The following GREM2 variants were observed in gnomAD, a reference collection of about 807,000 sequenced individuals.
GREM2 encodes the protein gremlin 2, DAN family BMP antagonist.
In GREM2, 11 loss-of-function variants were observed where a neutral mutation model predicts 14.2. The observed-to-expected ratio is 0.78, with a 90% CI of 0.49 to 1.28. GREM2 has a LOEUF of 1.28. Among genes scored for constraint, GREM2 ranks in the 50% most tolerant of loss-of-function variants. The pLI is 0.00. For missense variants in GREM2, 210 were observed against 218.5 expected, an observed-to-expected ratio of 0.96 and a Z score of 0.24; for synonymous variants, 98 against 97.6, an observed-to-expected ratio of 1.00 and a Z score of -0.02.
intron 1 of GREM2, among the ~76,000 whole-genome samples, chr1:240,564,628 A>G (rs1433758272): frequency 6.6e-6 from 1 of 152,160 alleles, no homozygotes; most frequent in Non-Finnish European, 1.5e-5. Flanking sequence ...TTTTTCTCAT[A>G]GGTGGGGTTA....
At chr1:240,567,642 A>G (rs1302306624) in intron 1 of GREM2, among the ~76,000 whole-genome samples, 1 of 152,224 alleles carries the variant, frequency 6.6e-6, no homozygotes, top group Non-Finnish European at 1.5e-5. Context: ...GTAGACTCAC[A>G]TAATAAGAAA....
At chr1:240,576,082 T>G (rs1451505587) in intron 1 of GREM2, among the ~76,000 whole-genome samples, 1 of 152,208 alleles carries the variant, frequency 6.6e-6, no homozygotes, top group African/African-American at 2.4e-5. Flanking sequence ...TCCAACTTTC[T>G]TCTATGGCAA....
At chr1:240,507,054 C>A (rs1031562356) in intron 1 of GREM2, among the ~76,000 whole-genome samples, 3 of 152,114 alleles carry the variant, frequency 2.0e-5, no homozygotes, top group Non-Finnish European at 4.4e-5. Flanking sequence ...TAGAGAATAT[C>A]GGAGGAAGAG....
intron 1 of GREM2, among the ~76,000 whole-genome samples, chr1:240,547,486 T>C (rs538796955): frequency 1.6e-4 from 19 of 118,140 alleles, no homozygotes; most frequent in Non-Finnish European, 2.8e-4. Context: ...GGCGACAGAG[T>C]GAGACTCCAT....
rs1237458975 is a variant in GREM2, at chr1:240,611,907, C to G, written c.-25G>C. The G allele has an allele frequency of 6.5e-6, 1 of 152,866 alleles. No homozygotes were observed. Among genetic ancestry groups the G allele is most frequent in the Admixed American group, 6.5e-5 (1 of 15,294 alleles). 9.5% of individuals were successfully genotyped at this position (152,866 alleles called of 1,614,324 possible). A position where few individuals can be genotyped will look rare whatever the true frequency, so the allele number is the denominator to read the frequency against. ...ACCTGCAATGACGTGATGGAAGCCT[C>G]CTCCTCGGGTCCCTTCTCTCTCTCT... On this transcript the variant is annotated 5_prime_UTR_variant, in exon 1 of 2. Transcript: ENST00000318160.
At chr1:240,570,343 T>A (rs1171680650) in intron 1 of GREM2, among the ~76,000 whole-genome samples, 1 of 152,044 alleles carries the variant, frequency 6.6e-6, no homozygotes, top group African/African-American at 2.4e-5. Flanking sequence ...GTGCCTGTAG[T>A]CCCAGCTACT....
At chr1:240,504,982 G>T (rs1677647870) in intron 1 of GREM2, among the ~76,000 whole-genome samples, 1 of 152,150 alleles carries the variant, frequency 6.6e-6, no homozygotes, top group Non-Finnish European at 1.5e-5. Flanking sequence ...AATCCCCAAT[G>T]TTGGAGGTGG....
chr1:240,531,484 C>A (rs1678355640), intron 1 of GREM2, among the ~76,000 whole-genome samples: 1 of 152,182 alleles, frequency 6.6e-6, no homozygotes, highest in Non-Finnish European at 1.5e-5. Flanking sequence ...CAATTTTAAT[C>A]AGATTTGTAT....
At chr1:240,592,102 CA>C (rs1406746337) in intron 1 of GREM2, among the ~76,000 whole-genome samples, 23 of 152,038 alleles carry the variant, frequency 1.5e-4, no homozygotes, top group African/African-American at 5.5e-4. Context: ...GCATTGGAAC[CA>C]AAAATACATT....
In GREM2 at chr1:240,490,721, G is replaced by C. The variant is rs991528834; in HGVS notation, c.*2248C>G. 1.1e-4 allele frequency: 16 copies of C among 152,200 alleles called. No individual in the cohort carries two copies. Among genetic ancestry groups the C allele is most frequent in the Admixed American group, 7.9e-4 (12 of 15,282 alleles). 9.4% of individuals were successfully genotyped at this position (152,200 alleles called of 1,614,324 possible). On this transcript the variant is annotated 3_prime_UTR_variant, in exon 2 of 2. Transcript: ENST00000318160. ...ACACCCACAATTGGGTTCGAAGAGA[G>C]TGTGCTCGTGTTTGCATTCTGTAAG... is the stretch of plus-strand genomic sequence containing the variant.
chr1:240,580,601 G>A (rs903149284), intron 1 of GREM2, among the ~76,000 whole-genome samples: 2 of 152,036 alleles, frequency 1.3e-5, no homozygotes, highest in Middle Eastern at 3.2e-3. Flanking sequence ...TCCTGACAGC[G>A]TCTCACTTTG....
chr1:240,566,341 A>T (rs9428853), intron 1 of GREM2, among the ~76,000 whole-genome samples: 5,137 of 152,224 alleles, frequency 0.034, 276 homozygotes, highest in African/African-American at 0.12. Flanking sequence ...GGCTTGCAAG[A>T]CACCAAACAC....
intron 1 of GREM2, among the ~76,000 whole-genome samples, chr1:240,610,275 GTTTC>G (rs201935872): frequency 0.014 from 2,058 of 151,314 alleles, 36 homozygotes; most frequent in East Asian, 0.07. Flanking sequence ...GTTCTTTACA[GTTTC>G]TTTCTGATGT....
At chr1:240,600,914 GT>G (rs910170650) in intron 1 of GREM2, among the ~76,000 whole-genome samples, 5 of 152,138 alleles carry the variant, frequency 3.3e-5, no homozygotes, top group Non-Finnish European at 5.9e-5. Flanking sequence ...TGAATCAATG[GT>G]TTTGTTTAGA....
At chr1:240,519,150 T>C (rs1393116486) in intron 1 of GREM2, among the ~76,000 whole-genome samples, 3 of 146,654 alleles carry the variant, frequency 2.0e-5, no homozygotes, top group Admixed American at 1.4e-4. Context: ...AATTCACATA[T>C]TAGTTTAAGG....
chr1:240,531,955 C>T (rs12129547), intron 1 of GREM2, among the ~76,000 whole-genome samples: 38,596 of 151,914 alleles, frequency 0.25, 5,209 homozygotes, highest in East Asian at 0.52. Flanking sequence ...TTGGTAGACA[C>T]TTTGTTTCCT....
intron 1 of GREM2, among the ~76,000 whole-genome samples, chr1:240,599,255 G>T (rs1679874604): frequency 7.0e-6 from 1 of 143,858 alleles, no homozygotes; most frequent in Non-Finnish European, 1.5e-5. Context: ...GCAACAGAGT[G>T]AGACTCTGTC....
At chr1:240,496,698 T>C (rs985832207) in intron 1 of GREM2, among the ~76,000 whole-genome samples, 1 of 152,186 alleles carries the variant, frequency 6.6e-6, no homozygotes, top group African/African-American at 2.4e-5. Flanking sequence ...CAGTGCCTGG[T>C]GTACAGTAGG....
chr1:240,558,481 TTAAA>T (rs74463296), intron 1 of GREM2, among the ~76,000 whole-genome samples: 3,447 of 152,062 alleles, frequency 0.023, 113 homozygotes, highest in East Asian at 0.1. Flanking sequence ...AAAAATGAAA[TTAAA>T]TAAATAGAAT....
Sources: gnomAD v4.1 joint callset for allele counts (sites outside exome capture counted in the v4.1 genomes callset) on GRCh38, gnomAD v4.1.1 for gene constraint, MANE v1.5 for transcripts, NCBI Gene and HGNC (gene_info 2026-07-23, HGNC 2026-07-21) for gene names.